Variants in CSMD1 observed in about 807,000 individuals in gnomAD.
The protein encoded by CSMD1 is CUB and Sushi multiple domains 1.
Under a neutral mutation model 417.5 loss-of-function variants are expected in CSMD1, and 213 were observed. The observed-to-expected ratio is 0.51, with a 90% confidence interval of 0.46 to 0.57. CSMD1 has a LOEUF of 0.57. Ranked by LOEUF, CSMD1 falls within the 20% of genes least tolerant of loss-of-function variation. CSMD1 has a pLI of 0.00. For synonymous variants in CSMD1, 2,862 were observed against 1,736.8 expected (o/e 1.65, Z -16.11); for missense variants, 6,923 against 4,529.7 (o/e 1.53, Z -15.17).
At chr8:4,394,372 A>C (rs937932006) in intron 3 of CSMD1, among the ~76,000 whole-genome samples, 1 of 152,242 alleles carries the variant, frequency 6.6e-6, no homozygotes, top group Non-Finnish European at 1.5e-5. Flanking sequence ...TGTTTCCATC[A>C]TGAGCTCCAC....
chr8:3,913,775 C>T (rs1808617329), intron 5 of CSMD1, among the ~76,000 whole-genome samples: 1 of 152,068 alleles, frequency 6.6e-6, no homozygotes, highest in South Asian at 2.1e-4. Flanking sequence ...AAGAGATAAA[C>T]AACTTGTATC....
At chr8:3,634,801 T>C (rs1168001065) in intron 7 of CSMD1, among the ~76,000 whole-genome samples, 1 of 152,158 alleles carries the variant, frequency 6.6e-6, no homozygotes, top group African/African-American at 2.4e-5. Context: ...TCATGTGTCC[T>C]GAGAAATGCT....
At chr8:3,039,272 C>T (rs1200132547) in intron 50 of CSMD1, among the ~76,000 whole-genome samples, 1 of 110,460 alleles carries the variant, frequency 9.1e-6, no homozygotes, top group Non-Finnish European at 2.0e-5. Context: ...ATTTCTTGAC[C>T]CTTCCTTCCT....
At chr8:4,894,063 G>C (rs1449706746) in intron 1 of CSMD1, among the ~76,000 whole-genome samples, 1 of 152,000 alleles carries the variant, frequency 6.6e-6, no homozygotes, top group Non-Finnish European at 1.5e-5. Flanking sequence ...TTTTCCTAGA[G>C]AATAATGAAT....
At chr8:3,117,569 G>A (rs952040157) in intron 42 of CSMD1, among the ~76,000 whole-genome samples, 1 of 152,012 alleles carries the variant, frequency 6.6e-6, no homozygotes, top group Non-Finnish European at 1.5e-5. Context: ...TGAGAATATC[G>A]GGTTTACAGT....
chr8:4,099,705 C>T (rs571871773), intron 3 of CSMD1, among the ~76,000 whole-genome samples: 54 of 152,170 alleles, frequency 3.5e-4, no homozygotes, highest in Middle Eastern at 3.4e-3. Context: ...CTCTTCTTTT[C>T]TTTTGGGACT....
intron 1 of CSMD1, among the ~76,000 whole-genome samples, chr8:4,689,401 T>C (rs945328047): frequency 7.9e-5 from 12 of 152,230 alleles, no homozygotes; most frequent in Admixed American, 5.2e-4. Context: ...TAAAATTGTC[T>C]ATATGTTTCA....
At chr8:3,488,574 A>G (rs17066250) in intron 11 of CSMD1, among the ~76,000 whole-genome samples, 21,154 of 152,236 alleles carry the variant, frequency 0.14, 1,570 homozygotes, top group East Asian at 0.23. Context: ...TATGAAATGT[A>G]TATCAGTAGG....
At chr8:4,716,256 C>A (rs1808648826) in intron 1 of CSMD1, among the ~76,000 whole-genome samples, 1 of 152,180 alleles carries the variant, frequency 6.6e-6, no homozygotes, top group Non-Finnish European at 1.5e-5. Flanking sequence ...CACTTCAAGA[C>A]AATGCCAGCT....
intron 2 of CSMD1, among the ~76,000 whole-genome samples, chr8:4,539,811 G>A (rs1015224898): frequency 6.6e-6 from 1 of 152,250 alleles, no homozygotes; most frequent in Non-Finnish European, 1.5e-5. Flanking sequence ...TTCCATATGG[G>A]TTAAGCATTA....
chr8:3,658,481 T>TATATATAC (rs1798241941), intron 7 of CSMD1, among the ~76,000 whole-genome samples: 1 of 146,598 alleles, frequency 6.8e-6, no homozygotes, highest in South Asian at 2.1e-4. Context: ...TATATATATA[T>TATATATAC]TTAATTTAAA....
At chr8:4,689,110 C>T (rs1806590475) in intron 1 of CSMD1, among the ~76,000 whole-genome samples, 1 of 152,126 alleles carries the variant, frequency 6.6e-6, no homozygotes, top group Non-Finnish European at 1.5e-5. Context: ...GTTCTCAACC[C>T]AACAGGTAAC....
At chr8:4,909,796 T>C (rs758504801) in intron 1 of CSMD1, among the ~76,000 whole-genome samples, 1 of 152,196 alleles carries the variant, frequency 6.6e-6, no homozygotes, top group Non-Finnish European at 1.5e-5. Context: ...GTTGTGACTC[T>C]GTGGACCCAC....
chr8:4,671,740 T>C (rs987381935), intron 1 of CSMD1, among the ~76,000 whole-genome samples: 2 of 152,146 alleles, frequency 1.3e-5, no homozygotes, highest in East Asian at 1.9e-4. Context: ...TGTGTGTGTG[T>C]GCTTGTGTGT....
At chr8:4,543,936 G>C (rs1268238838) in intron 2 of CSMD1, among the ~76,000 whole-genome samples, 2 of 152,090 alleles carry the variant, frequency 1.3e-5, no homozygotes, top group African/African-American at 2.4e-5. Flanking sequence ...ATCATCTTTG[G>C]TGAGGTGTCT....
At chr8:2,952,887 C>G (rs572306125) in intron 65 of CSMD1, among the ~76,000 whole-genome samples, 10 of 152,226 alleles carry the variant, frequency 6.6e-5, no homozygotes, top group Non-Finnish European at 1.3e-4. Context: ...GGTCATCTTT[C>G]TGGGTCTTTA....
chr8:3,671,356 T>A (rs551019939), intron 7 of CSMD1, among the ~76,000 whole-genome samples: 44 of 148,118 alleles, frequency 3.0e-4, no homozygotes, highest in Middle Eastern at 3.6e-3. Flanking sequence ...TTGTATTTAA[T>A]TTCATAAATT....
intron 8 of CSMD1, among the ~76,000 whole-genome samples, chr8:3,612,808 A>G (rs1334250514): frequency 6.6e-6 from 1 of 152,044 alleles, no homozygotes; most frequent in African/African-American, 2.4e-5. Flanking sequence ...AGCAGTAAAT[A>G]CCCACATTTA....
intron 33 of CSMD1, among the ~76,000 whole-genome samples, chr8:3,190,817 T>G (rs550943015): frequency 6.6e-6 from 1 of 152,306 alleles, no homozygotes; most frequent in South Asian, 2.1e-4. Flanking sequence ...ATAACACGGA[T>G]GAACCTTGAG....
Sources: gnomAD v4.1 joint callset for allele counts (sites outside exome capture counted in the v4.1 genomes callset) on GRCh38, gnomAD v4.1.1 for gene constraint, MANE v1.5 for transcripts, NCBI Gene and HGNC (gene_info 2026-07-23, HGNC 2026-07-21) for gene names.